TBC1D22A: variants seen among roughly 807,000 people sequenced by gnomAD.
TBC1D22A encodes the protein putative GTPase activator.
A neutral mutation model predicts 60.2 loss-of-function variants in TBC1D22A; 38 were observed. The observed-to-expected ratio is 0.63, with a 90% confidence interval of 0.49 to 0.83. TBC1D22A has a LOEUF of 0.83. TBC1D22A is among the 40% of genes least tolerant of loss of function. The pLI, the probability that TBC1D22A is intolerant of heterozygous loss-of-function variation, is 0.00. For missense variants in TBC1D22A, 628 were observed against 701.0 expected, an observed-to-expected ratio of 0.90 and a Z score of 1.18; for synonymous variants, 302 against 281.7, an observed-to-expected ratio of 1.07 and a Z score of -0.72.
At chr22:47,154,169 GAGGAAC>G (rs572275791) in intron 12 of TBC1D22A, among the ~76,000 whole-genome samples, 17 of 152,152 alleles carry the variant, frequency 1.1e-4, no homozygotes, top group Non-Finnish European at 2.9e-5. Context: ...TCCTGCTGTT[GAGGAAC>G]AGACATGTCC....
At chr22:47,077,877 G>C (rs1465760882) in intron 11 of TBC1D22A, among the ~76,000 whole-genome samples, 1 of 152,186 alleles carries the variant, frequency 6.6e-6, no homozygotes, top group African/African-American at 2.4e-5. Context: ...GATTTGAAAA[G>C]GTTAAAAGGA....
intron 11 of TBC1D22A, among the ~76,000 whole-genome samples, chr22:47,087,234 T>C (rs2064735801): frequency 6.6e-6 from 1 of 152,138 alleles, no homozygotes; most frequent in Admixed American, 6.5e-5. Flanking sequence ...CAGAAACCAA[T>C]GAAAAAGGGT....
intron 11 of TBC1D22A, among the ~76,000 whole-genome samples, chr22:47,107,587 T>C (rs2065683370): frequency 6.6e-6 from 1 of 152,214 alleles, no homozygotes; most frequent in Non-Finnish European, 1.5e-5. Flanking sequence ...GAAGATCTGA[T>C]TAAACGAAGA....
chr22:47,149,450 C>G (rs917226711), intron 12 of TBC1D22A, among the ~76,000 whole-genome samples: 2 of 152,226 alleles, frequency 1.3e-5, no homozygotes, highest in South Asian at 4.1e-4. Context: ...AAAAAGCTCT[C>G]CCGTGTATAC....
chr22:46,998,516 A>C (rs2075197608), intron 10 of TBC1D22A, among the ~76,000 whole-genome samples: 2 of 152,216 alleles, frequency 1.3e-5, no homozygotes, highest in Non-Finnish European at 2.9e-5. Flanking sequence ...TTTGTTGGAA[A>C]CTTAGCCCTG....
At chr22:46,788,394 C>G (rs796102465) in intron 1 of TBC1D22A, among the ~76,000 whole-genome samples, 16 of 152,308 alleles carry the variant, frequency 1.1e-4, no homozygotes, top group African/African-American at 3.8e-4. Context: ...CTATTATTCT[C>G]TATGCTTTAT....
intron 7 of TBC1D22A, among the ~76,000 whole-genome samples, chr22:46,905,213 A>T (rs1246348910): frequency 6.6e-6 from 1 of 152,294 alleles, no homozygotes; most frequent in African/African-American, 2.4e-5. Context: ...AGTTTTTGCC[A>T]TTTCAAAACA....
intron 11 of TBC1D22A, among the ~76,000 whole-genome samples, chr22:47,103,323 G>C (rs767278514): frequency 6.6e-6 from 1 of 152,198 alleles, no homozygotes; most frequent in South Asian, 2.1e-4. Context: ...CAGGGCTCCT[G>C]GGAAGAAGGG....
chr22:46,924,008 G>C lies in TBC1D22A; in HGVS notation c.1015+11820G>C, dbSNP rs1033720863. ...ACAGCGACTGTCATATTACTTTTAAGTATGTTAAATTTGAAGATTTTGAAT... is the reference window on the plus strand; with the variant it reads ...ACAGCGACTGTCATATTACTTTTAACTATGTTAAATTTGAAGATTTTGAAT... On this transcript the variant is annotated intron_variant, in intron 8 of 12. Coordinates refer to ENST00000337137, the MANE Select transcript of TBC1D22A (RefSeq NM_014346.5). 2.0e-5 allele frequency among the ~76,000 whole-genome samples: 3 copies of C among 152,144 alleles called. No homozygotes were observed. In the East Asian group the frequency reaches 5.8e-4, roughly 29 times the overall value.
chr22:46,931,966 A>G lies in TBC1D22A; in HGVS notation c.1015+19778A>G, dbSNP rs567962124. The stretch of plus-strand genomic sequence containing the variant: ...ATCTGTTGTTTTCTTTGTATTTCCA[A>G]TTCAGTGTCACAACCTGGGAAAAAT... On this transcript the variant is annotated intron_variant, in intron 8 of 12. Transcript: ENST00000337137. Among the ~76,000 whole-genome samples the G allele has an allele frequency of 1.2e-4, 19 of 152,318 alleles. No individual in the cohort carries two copies. The South Asian group carries it at 2.9e-3, about 23-fold the overall frequency.
At chr22:46,892,150 G>C (rs558318974) in intron 6 of TBC1D22A, among the ~76,000 whole-genome samples, 26 of 152,242 alleles carry the variant, frequency 1.7e-4, no homozygotes, top group African/African-American at 5.8e-4. Flanking sequence ...TATTGTCTTA[G>C]CTATCTGAAA....
In TBC1D22A at chr22:46,768,417, A is replaced by G. The variant is rs530512831; in HGVS notation, c.62+5569A>G. On this transcript the variant is annotated intron_variant, in intron 1 of 12. Coordinates refer to ENST00000337137, the MANE Select transcript of TBC1D22A (RefSeq NM_014346.5). ...GGAGAGTCGCTTGAACACAGGAGGC[A>G]GAGGTTGCAGTGAGCCAAGGTCGCG... is the stretch of plus-strand genomic sequence containing the variant. Among the ~76,000 whole-genome samples the G allele has an allele frequency of 2.7e-3, 396 of 146,868 alleles. 1 individual carries two copies. Among genetic ancestry groups the G allele is most frequent in the Middle Eastern group, 3.5e-3 (1 of 282 alleles).
chr22:47,041,989 T>C (rs1032408237), intron 11 of TBC1D22A, among the ~76,000 whole-genome samples: 2 of 152,218 alleles, frequency 1.3e-5, no homozygotes, highest in African/African-American at 4.8e-5. Flanking sequence ...CAGGCAAGAT[T>C]GTCTCCCCAG....
intron 8 of TBC1D22A, among the ~76,000 whole-genome samples, chr22:46,934,844 T>G (rs1240147025): frequency 6.6e-6 from 1 of 152,220 alleles, no homozygotes; most frequent in Non-Finnish European, 1.5e-5. Context: ...CCTTCGCCTG[T>G]CCAGGGGCCC....
At chr22:47,131,041 A>C (rs2066660572) in intron 12 of TBC1D22A, among the ~76,000 whole-genome samples, 2 of 152,104 alleles carry the variant, frequency 1.3e-5, no homozygotes, top group Non-Finnish European at 2.9e-5. Context: ...AGGGAGCAAG[A>C]GGGGAGGGGT....
At chr22:46,972,226 T>C (rs759681019) in intron 8 of TBC1D22A, among the ~76,000 whole-genome samples, 1 of 152,200 alleles carries the variant, frequency 6.6e-6, no homozygotes, top group African/African-American at 2.4e-5. Context: ...ACACCTAACA[T>C]TGATGTTTCC....
chr22:46,879,881 C>T (rs961182495), intron 5 of TBC1D22A, among the ~76,000 whole-genome samples: 25 of 151,742 alleles, frequency 1.6e-4, no homozygotes, highest in African/African-American at 4.8e-4. Context: ...GTTGTGGTTC[C>T]GCTTCCCTAA....
chr22:47,046,031 G>C (rs935851536), intron 11 of TBC1D22A, among the ~76,000 whole-genome samples: 3 of 152,198 alleles, frequency 2.0e-5, no homozygotes, highest in Non-Finnish European at 2.9e-5. Flanking sequence ...GTTCCCGGCT[G>C]TGGGCCCTGG....
chr22:46,916,159 G>T, intron 8 of TBC1D22A: 1 of 367,232 alleles, frequency 2.7e-6, no homozygotes, highest in Non-Finnish European at 5.1e-6. Flanking sequence ...GAGCTGCTGT[G>T]GTTGAGGTTG....
Sources: allele counts gnomAD v4.1 joint callset (sites outside exome capture counted in the v4.1 genomes callset), GRCh38; gene constraint gnomAD v4.1.1; transcripts MANE v1.5; gene names NCBI Gene and HGNC (gene_info 2026-07-23, HGNC 2026-07-21).